Variants in KRTAP1-1 observed in about 807,000 individuals in gnomAD.
KRTAP1-1 encodes the protein keratin associated protein 1-1, also known as keratin-associated protein 1-1.
In KRTAP1-1, 9 loss-of-function variants were observed where a neutral mutation model predicts 14.1. The ratio of observed to expected loss-of-function variants is 0.64; its 90% confidence interval spans 0.39 to 1.12. The LOEUF (loss-of-function observed/expected upper bound fraction) is 1.12, where lower values mean the gene tolerates loss of function less well. Among genes scored for constraint, KRTAP1-1 ranks in the 50% most tolerant of loss-of-function variants. The pLI is 0.01. For missense variants in KRTAP1-1, 179 were observed against 230.9 expected (o/e 0.78, Z 1.46); for synonymous variants, 77 against 80.5 (o/e 0.96, Z 0.23).
chr17:41,041,019 C>T lies in KRTAP1-1; in HGVS notation c.379G>A (p.Gly127Ser), dbSNP rs749122094. The change falls in exon 1 of 1, where the codon GGT becomes AGT. Residue 127 changes from glycine (G) to serine (S), a missense_variant. By Grantham distance (56) the Gly-to-Ser change is moderately conservative (BLOSUM62 0). Coordinates refer to ENST00000306271, the MANE Select transcript of KRTAP1-1 (RefSeq NM_030967.3). ...RWCRPDCRVE[G>S]TCLPPCCVVS... is the part of the protein sequence containing the mutation. ...ACGCAGCAGGGGGGCAGGCAGGTAC[C>T]CTCCACACGGCAGTCTGGGCGGCAC... 3.7e-6 allele frequency: 6 copies of T among 1,613,720 alleles called. No homozygotes were observed. Among genetic ancestry groups the T allele is most frequent in the Non-Finnish European group, 4.2e-6 (5 of 1,180,014 alleles).
At position 41,040,765 on chromosome 17, in the gene KRTAP1-1, A is replaced by G. The variant is rs2012690817; in HGVS notation, c.*99T>C. On this transcript the variant is annotated 3_prime_UTR_variant, in exon 1 of 1. Coordinates refer to ENST00000306271, the MANE Select transcript of KRTAP1-1 (RefSeq NM_030967.3). Reference sequence around the variant, plus strand: ...TGTGGCTGTGTGATGAGAGGTTGCAAGCCCAGTTATAGGTACTGGAGTTCA... The same window carrying G: ...TGTGGCTGTGTGATGAGAGGTTGCAGGCCCAGTTATAGGTACTGGAGTTCA... 6.2e-6 allele frequency: 8 copies of G among 1,300,150 alleles called. No homozygotes were observed. The South Asian group carries it at 1.3e-4, about 21-fold the overall frequency. 80.5% of individuals were successfully genotyped at this position (1,300,150 alleles called of 1,614,324 possible).
Position 41,041,335 on chromosome 17 carries a change from G to A in KRTAP1-1, c.63C>T (p.Gly21=), listed in dbSNP as rs530531259. ...FPSCSTSGTC[G]SSCCQPSCCE... is the part of the protein sequence containing the mutation. ...AGCAGCTTGGCTGGCAGCAGCTGGA[G>A]CCGCAGGTCCCACTGGTGGAGCAGC... The change falls in exon 1 of 1, where the codon GGC becomes GGT. Residue 21 remains glycine, a synonymous_variant. Transcript: ENST00000306271. The A allele has an allele frequency of 9.1e-6, 14 of 1,538,020 alleles. No homozygotes were observed. In the East Asian group the frequency reaches 4.4e-4, roughly 48 times the overall value.
In KRTAP1-1 at chr17:41,040,575, A is replaced by G; in HGVS notation, c.*289T>C. The G allele has an allele frequency of 2.7e-6, 1 of 364,850 alleles. No homozygotes were observed. The highest frequency in any genetic ancestry group is 4.9e-6 in the Non-Finnish European group (1 of 203,934). The allele number at this position is 364,850 out of a possible 1,614,324, so 22.6% of individuals were successfully genotyped here. ...CAACTTCATCATTGAAGAGATGAAA[A>G]CTTTTATTAAATTTAAGTCCCAATA... On this transcript the variant is annotated 3_prime_UTR_variant, in exon 1 of 1. Transcript: ENST00000306271.
At position 41,041,002 on chromosome 17, in the gene KRTAP1-1, G is replaced by T; in HGVS notation, c.396C>A (p.Pro132=). Reference sequence around the variant, plus strand: ...GGGGTGTGCAGCTCACCACGCAGCAGGGGGGCAGGCAGGTACCCTCCACAC... The same window carrying T: ...GGGGTGTGCAGCTCACCACGCAGCATGGGGGCAGGCAGGTACCCTCCACAC... ...DCRVEGTCLP[P]CCVVSCTPPS... Residue 132 remains proline, a synonymous_variant, in exon 1 of 1, where the codon CCC becomes CCA. Transcript: ENST00000306271. 2 of 1,613,600 alleles carry T rather than the reference G, an allele frequency of 1.2e-6. No homozygotes were observed. Among genetic ancestry groups the T allele is most frequent in the South Asian group, 1.1e-5 (1 of 91,014 alleles).
chr17:41,041,055 G>A lies in KRTAP1-1; in HGVS notation c.343C>T (p.Arg115Cys), dbSNP rs750004006. The change falls in exon 1 of 1, where the codon CGT (arginine) becomes TGT (cysteine). Residue 115 changes from arginine to cysteine, a missense_variant. Transcript: ENST00000306271. ...QEGSSGAVST[R>C]IRWCRPDCRV... is the part of the protein sequence containing the mutation. Reference sequence around the variant, plus strand: ...CAGTCTGGGCGGCACCACCTGATACGGGTGCTCACAGCTCCACTGCTGCCC... The same window carrying A: ...CAGTCTGGGCGGCACCACCTGATACAGGTGCTCACAGCTCCACTGCTGCCC... 23 of 1,613,658 alleles carry A rather than the reference G, an allele frequency of 1.4e-5. No individual in the cohort carries two copies. The highest frequency in any genetic ancestry group is 1.0e-4 in the Admixed American group (6 of 59,996).
Position 41,041,134 on chromosome 17 carries a change from G to A in KRTAP1-1, c.264C>T (p.Thr88=). Residue 88 remains threonine, a synonymous_variant, in exon 1 of 1, where the codon ACC becomes ACT. Coordinates refer to ENST00000306271, the MANE Select transcript of KRTAP1-1 (RefSeq NM_030967.3). ...TSCCQPSCYQ[T]SSCGTGCGIG... ...TGCCACAGCCAGTTCCGCAGGAGCT[G>A]GTCTGGTAGCAGCTTGGCTGGCAGC... 1 of 1,614,030 alleles carries A rather than the reference G, an allele frequency of 6.2e-7. No homozygotes were observed. Among genetic ancestry groups the A allele is most frequent in the Non-Finnish European group, 8.5e-7 (1 of 1,179,902 alleles).
chr17:41,040,788 T>C lies in KRTAP1-1; in HGVS notation c.*76A>G. On this transcript the variant is annotated 3_prime_UTR_variant, in exon 1 of 1. Transcript: ENST00000306271. Reference sequence around the variant, plus strand: ...CAAGCCCAGTTATAGGTACTGGAGTTCAGAAGATTGTTAGGATTCTAATTT... The same window carrying C: ...CAAGCCCAGTTATAGGTACTGGAGTCCAGAAGATTGTTAGGATTCTAATTT... 3.5e-6 allele frequency: 5 copies of C among 1,433,908 alleles called. No individual in the cohort carries two copies. The South Asian group carries it at 5.6e-5, about 16-fold the overall frequency. The allele number at this position is 1,433,908 out of a possible 1,614,324, so 88.8% of individuals were successfully genotyped here.
chr17:41,041,078 C>T lies in KRTAP1-1; in HGVS notation c.320G>A (p.Gly107Asp). 2 of 1,613,846 alleles carry T rather than the reference C, an allele frequency of 1.2e-6. No homozygotes were observed. The highest frequency in any genetic ancestry group is 1.7e-6 in the Non-Finnish European group (2 of 1,179,996). The part of the protein sequence containing the change: ...IGGGIGYGQE[G>D]SSGAVSTRIR... ...ACGGGTGCTCACAGCTCCACTGCTG[C>T]CCTCCTGGCCATAGCCAATGCCACC... The change falls in exon 1 of 1, where the codon GGC becomes GAC. Residue 107 changes from glycine to aspartate, a missense_variant. Transcript: ENST00000306271.
At position 41,040,983 on chromosome 17, in the gene KRTAP1-1, T is replaced by C; in HGVS notation, c.415A>G (p.Thr139Ala). 6.2e-7 allele frequency: 1 copy of C among 1,613,684 alleles called. No homozygotes were observed. The highest frequency in any genetic ancestry group is 8.5e-7 in the Non-Finnish European group (1 of 1,179,994). Residue 139 changes from threonine to alanine, a missense_variant, in exon 1 of 1, where the codon ACA becomes GCA. Physicochemically the swap from Thr to Ala is moderately conservative, Grantham distance 58. Transcript: ENST00000306271. ...TGCAGCTGGCAGCAGGATGGGGGTG[T>C]GCAGCTCACCACGCAGCAGGGGGGC... ...CLPPCCVVSCTPPSCCQLHHA... is the reference protein window; with the variant it reads ...CLPPCCVVSCAPPSCCQLHHA...
At position 41,040,960 on chromosome 17, in the gene KRTAP1-1, C is replaced by T; in HGVS notation, c.438G>A (p.Leu146=). 6.2e-7 allele frequency: 1 copy of T among 1,613,676 alleles called. No individual in the cohort carries two copies. The highest frequency in any genetic ancestry group is 8.5e-7 in the Non-Finnish European group (1 of 1,179,864). The change falls in exon 1 of 1, where the codon CTG becomes CTA. Residue 146 remains leucine, a synonymous_variant. Transcript: ENST00000306271. ...GGCAGCAGGAGGCCTCGGCGTGGTG[C>T]AGCTGGCAGCAGGATGGGGGTGTGC... ...VSCTPPSCCQ[L]HHAEASCCRP...
chr17:41,041,198 T>C lies in KRTAP1-1; in HGVS notation c.200A>G (p.Asp67Gly). ...FPSFSTGGTC[D>G]SSCCQPSCCE... ...GCAGCTTGGCTGGCAGCAGCTAGAG[T>C]CACAAGTCCCACCGGTTGAGAAGCT... The change falls in exon 1 of 1, where the codon GAC (aspartate) becomes GGC (glycine). Residue 67 changes from aspartate (D) to glycine (G), a missense_variant. Transcript: ENST00000306271. 6.2e-7 allele frequency: 1 copy of C among 1,600,224 alleles called. No homozygotes were observed. The highest frequency in any genetic ancestry group is 2.3e-5 in the East Asian group (1 of 43,732).
chr17:41,041,021 T>C lies in KRTAP1-1; in HGVS notation c.377A>G (p.Glu126Gly). Residue 126 changes from glutamate (E) to glycine (G), a missense_variant, in exon 1 of 1, where the codon GAG becomes GGG. Glu to Gly is a moderately conservative substitution (Grantham distance 98). Transcript: ENST00000306271. ...IRWCRPDCRVEGTCLPPCCVV... is the reference protein window; with the variant it reads ...IRWCRPDCRVGGTCLPPCCVV... Reference sequence around the variant, plus strand: ...GCAGCAGGGGGGCAGGCAGGTACCCTCCACACGGCAGTCTGGGCGGCACCA... The same window carrying C: ...GCAGCAGGGGGGCAGGCAGGTACCCCCCACACGGCAGTCTGGGCGGCACCA... 3 of 1,613,794 alleles carry C rather than the reference T, an allele frequency of 1.9e-6. No homozygotes were observed. The highest frequency in any genetic ancestry group is 2.5e-6 in the Non-Finnish European group (3 of 1,179,982).
Position 41,040,820 on chromosome 17 carries a change from T to C in KRTAP1-1, c.*44A>G. On this transcript the variant is annotated 3_prime_UTR_variant, in exon 1 of 1. Coordinates refer to ENST00000306271, the MANE Select transcript of KRTAP1-1 (RefSeq NM_030967.3). ...ATTGTTAGGATTCTAATTTGGCTAG[T>C]TTTAAGGTGCCATCTTATCAGGATC... The C allele has an allele frequency of 2.0e-6, 3 of 1,526,846 alleles. No individual in the cohort carries two copies. Among genetic ancestry groups the C allele is most frequent in the Non-Finnish European group, 2.6e-6 (3 of 1,135,778 alleles). 94.6% of individuals were successfully genotyped at this position (1,526,846 alleles called of 1,614,324 possible).
Position 41,041,293 on chromosome 17 carries a change from G to T in KRTAP1-1, c.105C>A (p.Cys35Ter). 1 of 1,517,048 alleles carries T rather than the reference G, an allele frequency of 6.6e-7. No homozygotes were observed. The highest frequency in any genetic ancestry group is 8.7e-7 in the Non-Finnish European group (1 of 1,144,522). 94.0% of individuals were successfully genotyped at this position (1,517,048 alleles called of 1,614,324 possible). A position where few individuals can be genotyped will look rare whatever the true frequency, so the allele number is the denominator to read the frequency against. ...CQPSCCETSS[C>*]QPRCCETSCC... ...AGCTGGTCTCACAGCAGCGTGGCTGGCAGGAGCTGGTCTCACAGCAGCTTG... is the reference window on the plus strand; with the variant it reads ...AGCTGGTCTCACAGCAGCGTGGCTGTCAGGAGCTGGTCTCACAGCAGCTTG... Residue 35 changes from cysteine to a stop codon, truncating the protein, a stop_gained, in exon 1 of 1, where the codon TGC (cysteine) becomes TGA (stop). Coordinates refer to ENST00000306271, the MANE Select transcript of KRTAP1-1 (RefSeq NM_030967.3). LOFTEE classifies it high-confidence loss of function.
In KRTAP1-1 at chr17:41,040,932, G is replaced by T; in HGVS notation, c.466C>A (p.Pro156Thr). ...LHHAEASCCR[P>T]SYCGQSCCRP... ...CAACAGGACTGTCCACAGTAGGATGGGCGGCAGCAGGAGGCCTCGGCGTGG... is the reference window on the plus strand; with the variant it reads ...CAACAGGACTGTCCACAGTAGGATGTGCGGCAGCAGGAGGCCTCGGCGTGG... Residue 156 changes from proline to threonine, a missense_variant, in exon 1 of 1, where the codon CCA becomes ACA. By Grantham distance (38) the Pro-to-Thr change is conservative. Transcript: ENST00000306271. The T allele has an allele frequency of 6.2e-7, 1 of 1,612,742 alleles. No homozygotes were observed. Among genetic ancestry groups the T allele is most frequent in the Non-Finnish European group, 8.5e-7 (1 of 1,179,178 alleles).
Position 41,040,758 on chromosome 17 carries a change from G to T in KRTAP1-1, c.*106C>A. The T allele has an allele frequency of 8.1e-7, 1 of 1,240,288 alleles. No individual in the cohort carries two copies. The highest frequency in any genetic ancestry group is 1.1e-6 in the Non-Finnish European group (1 of 906,916). The allele number at this position is 1,240,288 out of a possible 1,614,324, so 76.8% of individuals were successfully genotyped here. A position where few individuals can be genotyped will look rare whatever the true frequency, so the allele number is the denominator to read the frequency against. On this transcript the variant is annotated 3_prime_UTR_variant, in exon 1 of 1. Coordinates refer to ENST00000306271, the MANE Select transcript of KRTAP1-1 (RefSeq NM_030967.3). The stretch of plus-strand genomic sequence containing the variant: ...GAATTTATGTGGCTGTGTGATGAGA[G>T]GTTGCAAGCCCAGTTATAGGTACTG...
rs763459120 is a variant in KRTAP1-1 at position 41,041,040 on chromosome 17, G to T, written c.358C>A (p.Arg120Ser). ...GTACCCTCCACACGGCAGTCTGGGC[G>T]GCACCACCTGATACGGGTGCTCACA... is the stretch of plus-strand genomic sequence containing the variant. ...GAVSTRIRWC[R>S]PDCRVEGTCL... The change falls in exon 1 of 1, where the codon CGC (arginine) becomes AGC (serine). Residue 120 changes from arginine (R) to serine (S), a missense_variant. Physicochemically the swap from Arg to Ser is moderately radical, Grantham distance 110. Transcript: ENST00000306271. The T allele has an allele frequency of 1.2e-5, 20 of 1,613,752 alleles. No individual in the cohort carries two copies. Among genetic ancestry groups the T allele is most frequent in the Non-Finnish European group, 1.7e-5 (20 of 1,180,026 alleles).
At position 41,040,976 on chromosome 17, in the gene KRTAP1-1, G is replaced by A. The variant is rs776751454; in HGVS notation, c.422C>T (p.Pro141Leu). 106 of 1,613,808 alleles carry A rather than the reference G, an allele frequency of 6.6e-5. No individual in the cohort carries two copies. Among genetic ancestry groups the A allele is most frequent in the Non-Finnish European group, 7.4e-5 (87 of 1,180,016 alleles). Reference sequence around the variant, plus strand: ...GGCGTGGTGCAGCTGGCAGCAGGATGGGGGTGTGCAGCTCACCACGCAGCA... The same window carrying A: ...GGCGTGGTGCAGCTGGCAGCAGGATAGGGGTGTGCAGCTCACCACGCAGCA... ...PPCCVVSCTP[P>L]SCCQLHHAEA... The change falls in exon 1 of 1, where the codon CCA becomes CTA. Residue 141 changes from proline to leucine, a missense_variant. Physicochemically the swap from Pro to Leu is moderately conservative, Grantham distance 98. Transcript: ENST00000306271.
At position 41,041,028 on chromosome 17, in the gene KRTAP1-1, G is replaced by T; in HGVS notation, c.370C>A (p.Arg124Ser). The change falls in exon 1 of 1, where the codon CGT (arginine) becomes AGT (serine). Residue 124 changes from arginine to serine, a missense_variant. By Grantham distance (110) the Arg-to-Ser change is moderately radical (BLOSUM62 -1). Transcript: ENST00000306271. Reference protein sequence around the residue: ...TRIRWCRPDCRVEGTCLPPCC... With the variant: ...TRIRWCRPDCSVEGTCLPPCC... ...GGGGGCAGGCAGGTACCCTCCACAC[G>T]GCAGTCTGGGCGGCACCACCTGATA... 2 of 1,613,792 alleles carry T rather than the reference G, an allele frequency of 1.2e-6. No homozygotes were observed. The highest frequency in any genetic ancestry group is 8.5e-7 in the Non-Finnish European group (1 of 1,180,004).
Sources: allele counts gnomAD v4.1 joint callset, GRCh38; gene constraint gnomAD v4.1.1; transcripts MANE v1.5; gene names NCBI Gene and HGNC (gene_info 2026-07-23, HGNC 2026-07-21).